Variants in CIB4 observed in about 807,000 individuals in gnomAD.
The protein encoded by CIB4 is calcium and integrin-binding family member 4.
Under a neutral mutation model 25.8 loss-of-function variants are expected in CIB4, and 25 were observed. The observed-to-expected ratio is 0.97, with a 90% CI of 0.71 to 1.35. CIB4 has a LOEUF of 1.35. Ranked by LOEUF, CIB4 falls within the 40% of genes most tolerant of loss-of-function variation. The pLI is 0.00. For missense variants in CIB4, 235 were observed against 228.2 expected (o/e 1.03, Z -0.19); for synonymous variants, 75 against 81.4 (o/e 0.92, Z 0.42).
At chr2:26,641,194 C>T in intron 1 of CIB4, 67 bp downstream of exon 1, 2 of 1,339,394 alleles carry the variant, frequency 1.5e-6, no homozygotes, top group Non-Finnish European at 2.2e-6. Context: ...AAGGAATTTT[C>T]CCATTCATTC....
chr2:26,637,576 A>G (rs2148229119), intron 2 of CIB4, among the ~76,000 whole-genome samples: 1 of 152,192 alleles, frequency 6.6e-6, no homozygotes, highest in African/African-American at 2.4e-5. Context: ...CTCTATATCA[A>G]ACAGAAAGCT....
intron 4 of CIB4, among the ~76,000 whole-genome samples, chr2:26,585,281 G>A (rs1418059916): frequency 2.0e-5 from 3 of 147,994 alleles, no homozygotes; most frequent in East Asian, 3.9e-4. Context: ...TGGGATGCCA[G>A]GCAGGGACAG....
At chr2:26,618,970 T>C (rs917215564) in intron 3 of CIB4, among the ~76,000 whole-genome samples, 2 of 152,144 alleles carry the variant, frequency 1.3e-5, no homozygotes, top group Non-Finnish European at 2.9e-5. Flanking sequence ...GGGTCAATAA[T>C]CTGAGCGCTG....
intron 3 of CIB4, among the ~76,000 whole-genome samples, chr2:26,601,227 AAAAAATATATATAT>A (rs1243540304): frequency 0.012 from 523 of 44,378 alleles, 36 homozygotes; most frequent in South Asian, 0.025. Context: ...CAAAAAAAAA[AAAAAATATATATAT>A]ATATATATAT....
chr2:26,615,705 G>A (rs370270034), intron 3 of CIB4, among the ~76,000 whole-genome samples: 6 of 152,236 alleles, frequency 3.9e-5, no homozygotes, highest in Admixed American at 6.5e-5. Flanking sequence ...GCCCAAGACC[G>A]CCAGGTGGCA....
intron 3 of CIB4, among the ~76,000 whole-genome samples, chr2:26,625,125 A>G (rs1020874669): frequency 6.6e-6 from 1 of 152,218 alleles, no homozygotes; most frequent in Non-Finnish European, 1.5e-5. Flanking sequence ...TCCTAGGGCC[A>G]GAACCACAGA....
chr2:26,586,893 T>C (rs1415319180), intron 4 of CIB4, among the ~76,000 whole-genome samples: 2 of 152,096 alleles, frequency 1.3e-5, no homozygotes, highest in African/African-American at 2.4e-5. Flanking sequence ...GGACCATCTA[T>C]AAAGAGAAGG....
rs141732203 is a variant in CIB4, at chr2:26,640,556, G to A, written c.66C>T (p.Phe22=). The change falls in exon 2 of 7, where the codon TTC becomes TTT. Residue 22 remains phenylalanine, a synonymous_variant. Transcript: ENST00000288861. ...ACCACAGAATTTCATTTCTGGTCAG[G>A]AAGGTCAGGGCCTGCAACAAATCAC... The part of the protein sequence containing the change: ...EDLEEYQALT[F]LTRNEILCIH... The A allele has an allele frequency of 6.2e-7, 1 of 1,613,464 alleles. No individual in the cohort carries two copies. Among genetic ancestry groups the A allele is most frequent in the Non-Finnish European group, 8.5e-7 (1 of 1,179,654 alleles).
chr2:26,637,857 C>T (rs972624312), intron 2 of CIB4, among the ~76,000 whole-genome samples: 1 of 152,220 alleles, frequency 6.6e-6, no homozygotes, highest in African/African-American at 2.4e-5. Flanking sequence ...TCACTGGTAT[C>T]ACCTTCCCAT....
intron 2 of CIB4, among the ~76,000 whole-genome samples, chr2:26,638,163 C>T (rs1669568849): frequency 6.6e-6 from 1 of 152,208 alleles, no homozygotes; most frequent in African/African-American, 2.4e-5. Context: ...GAGAAGTTTG[C>T]ACTGAACCAT....
rs773440532 is a variant in CIB4 at position 26,583,850 on chromosome 2, A to T, written c.377T>A (p.Ile126Asn). 1 of 1,613,562 alleles carries T rather than the reference A, an allele frequency of 6.2e-7. No homozygotes were observed. The highest frequency in any genetic ancestry group is 1.1e-5 in the South Asian group (1 of 91,044). The stretch of plus-strand genomic sequence containing the variant: ...GTCATCACTGTTCAGCAGTCGCAGG[A>T]TGATCCTCTGCAGATCCTCCTCATC... ...FIDEEDLQRI[I>N]LRLLNSDDMS... is the part of the protein sequence containing the mutation. Residue 126 changes from isoleucine to asparagine, a missense_variant, in exon 5 of 7, where the codon ATC becomes AAC. Coordinates refer to ENST00000288861, the MANE Select transcript of CIB4 (RefSeq NM_001029881.3).
chr2:26,598,538 G>C (rs1412618953), intron 3 of CIB4, among the ~76,000 whole-genome samples: 1 of 152,138 alleles, frequency 6.6e-6, no homozygotes, highest in Non-Finnish European at 1.5e-5. Flanking sequence ...TGGAGCAGGG[G>C]ACACTGTCCC....
chr2:26,613,180 A>T (rs753054), intron 3 of CIB4, among the ~76,000 whole-genome samples: 4,276 of 152,022 alleles, frequency 0.028, 179 homozygotes, highest in African/African-American at 0.088. Context: ...GGCCTCCAGC[A>T]CCTGGAGCTT....
chr2:26,602,774 G>A (rs553130503), intron 3 of CIB4, among the ~76,000 whole-genome samples: 4 of 152,240 alleles, frequency 2.6e-5, no homozygotes, highest in East Asian at 1.9e-4. Flanking sequence ...TGAGAAGGGC[G>A]GTTCAGGCCA....
Position 26,629,278 on chromosome 2 carries a change from G to A in CIB4, c.186+132C>T, listed in dbSNP as rs115185645. ...TTGCACTCCTCTGCCTGGAGGATCA[G>A]GAGCCCCTTGGAGTGAGGTGACCAT... is the stretch of plus-strand genomic sequence containing the variant. On this transcript the variant is annotated intron_variant, in intron 3 of 6. Transcript: ENST00000288861. 2.8e-3 allele frequency: 1,801 copies of A among 645,660 alleles called. 21 individuals are homozygous for A. The African/African-American group carries it at 0.029, about 11-fold the overall frequency. 40.0% of individuals were successfully genotyped at this position (645,660 alleles called of 1,614,324 possible). A position where few individuals can be genotyped will look rare whatever the true frequency, so the allele number is the denominator to read the frequency against.
chr2:26,589,121 T>C (rs1471467634), intron 4 of CIB4, among the ~76,000 whole-genome samples: 4 of 130,682 alleles, frequency 3.1e-5, no homozygotes, highest in African/African-American at 6.6e-5. Context: ...TTCTTCTTCT[T>C]CTTCTTCTTC....
intron 3 of CIB4, among the ~76,000 whole-genome samples, chr2:26,611,756 A>G (rs1474870959): frequency 6.6e-6 from 1 of 152,240 alleles, no homozygotes; most frequent in Non-Finnish European, 1.5e-5. Flanking sequence ...AGCCATGAGG[A>G]GATGGTTTAG....
At chr2:26,584,095 G>A (rs1235486784) in intron 4 of CIB4, among the ~76,000 whole-genome samples, 197 bp from the exon 5 acceptor site, 1 of 152,200 alleles carries the variant, frequency 6.6e-6, no homozygotes, top group Admixed American at 6.5e-5. Context: ...ACCAATGGTA[G>A]TAAGTATCGA....
intron 1 of CIB4, 37 bp downstream of exon 1, chr2:26,641,224 C>T (rs763580281): frequency 1.3e-5 from 20 of 1,559,638 alleles, no homozygotes; most frequent in Non-Finnish European, 1.7e-5. Flanking sequence ...TAGGAAGCTC[C>T]CACCTCTGCC....
Sources: allele counts gnomAD v4.1 joint callset (sites outside exome capture counted in the v4.1 genomes callset), GRCh38; gene constraint gnomAD v4.1.1; transcripts MANE v1.5; gene names NCBI Gene and HGNC (gene_info 2026-07-23, HGNC 2026-07-21).